Variants in ADRA1A observed in about 807,000 individuals in gnomAD.
ADRA1A encodes the protein adrenoceptor alpha 1A.
ADRA1A carries 31 observed loss-of-function variants against 29.6 expected under a neutral mutation model. That is an observed-to-expected ratio of 1.05 (90% confidence interval 0.79 to 1.41). The LOEUF (loss-of-function observed/expected upper bound fraction) is 1.41, where lower values mean the gene tolerates loss of function less well. Ranked by LOEUF, ADRA1A falls within the 40% of genes most tolerant of loss-of-function variation. The pLI is 0.00. For missense variants in ADRA1A, 619 were observed against 601.1 expected, an observed-to-expected ratio of 1.03 and a Z score of -0.31; for synonymous variants, 311 against 254.3, an observed-to-expected ratio of 1.22 and a Z score of -2.12.
chr8:26,772,200 T>G (rs1018715248), intron 2 of ADRA1A: 1 of 151,756 alleles, frequency 6.6e-6, no homozygotes, highest in Admixed American at 6.6e-5. Flanking sequence ...ATTAAAGAGA[T>G]TGTCACAAAC....
intron 2 of ADRA1A, among the ~76,000 whole-genome samples, chr8:26,795,041 C>T (rs1170735229): frequency 6.6e-6 from 1 of 151,896 alleles, no homozygotes; most frequent in Non-Finnish European, 1.5e-5. Flanking sequence ...TCTAAAAAAA[C>T]TAAGAAACAA....
chr8:26,842,744 A>G (rs1037861028), intron 2 of ADRA1A, among the ~76,000 whole-genome samples: 2 of 152,066 alleles, frequency 1.3e-5, no homozygotes, highest in African/African-American at 4.8e-5. Context: ...GTTTTCAAAA[A>G]GACACCCAGA....
intron 2 of ADRA1A, among the ~76,000 whole-genome samples, chr8:26,840,917 T>C (rs1811770603): frequency 6.6e-6 from 1 of 152,216 alleles, no homozygotes; most frequent in Admixed American, 6.5e-5. Context: ...AAACACAGCC[T>C]TATGTGGGCA....
intron 2 of ADRA1A, among the ~76,000 whole-genome samples, chr8:26,802,165 A>G (rs923691448): frequency 6.6e-6 from 1 of 152,184 alleles, no homozygotes; most frequent in African/African-American, 2.4e-5. Context: ...TTGGGCTGGC[A>G]TACATTTATT....
intron 2 of ADRA1A, among the ~76,000 whole-genome samples, chr8:26,832,258 C>T (rs748734486): frequency 1.9e-4 from 29 of 152,300 alleles, no homozygotes; most frequent in African/African-American, 5.8e-4. Context: ...CTGTCCCAGA[C>T]GCCTGAGAAA....
chr8:26,758,645 G>T (rs994091288), intron 2 of ADRA1A, among the ~76,000 whole-genome samples: 1 of 152,138 alleles, frequency 6.6e-6, no homozygotes, highest in African/African-American at 2.4e-5. Flanking sequence ...GCCCAGGCCC[G>T]TGGTTCCCAG....
intron 2 of ADRA1A, among the ~76,000 whole-genome samples, chr8:26,758,559 G>A (rs1383376019): frequency 1.3e-5 from 2 of 152,138 alleles, no homozygotes; most frequent in Non-Finnish European, 2.9e-5. Flanking sequence ...TCACAGGTGA[G>A]GAAAATGGCT....
At chr8:26,749,062 G>A (rs1192267058) in intron 2 of ADRA1A, among the ~76,000 whole-genome samples, 3 of 152,138 alleles carry the variant, frequency 2.0e-5, no homozygotes, top group African/African-American at 7.2e-5. Context: ...GACTCTGAAG[G>A]CAGTCTCAAA....
rs2130330444 is a variant in ADRA1A, at chr8:26,777,754, A to G, written c.884-7088T>C. Among the ~76,000 whole-genome samples the G allele has an allele frequency of 1.3e-5, 2 of 152,336 alleles. 1 individual carries two copies. Among genetic ancestry groups the G allele is most frequent in the East Asian group, 3.9e-4 (2 of 5,182 alleles). On this transcript the variant is annotated intron_variant, in intron 2 of 2. Coordinates refer to ENST00000380573, the MANE Select transcript of ADRA1A (RefSeq NM_000680.4). ...TTAGCTCTCCTCTTGCATGGGGCAA[A>G]GCATGGGAGCATGGCATGGGAGGGT... is the stretch of plus-strand genomic sequence containing the variant.
At chr8:26,844,462 A>G (rs925662991) in intron 2 of ADRA1A, among the ~76,000 whole-genome samples, 3 of 152,222 alleles carry the variant, frequency 2.0e-5, no homozygotes, top group Admixed American at 6.5e-5. Flanking sequence ...AGAACTTACT[A>G]CAAAGCTACA....
At chr8:26,751,213 C>G (rs1018477802) in intron 2 of ADRA1A, among the ~76,000 whole-genome samples, 7 of 152,176 alleles carry the variant, frequency 4.6e-5, no homozygotes, top group African/African-American at 1.4e-4. Context: ...TACTGCAGTG[C>G]TTTTACTTGT....
chr8:26,760,515 C>G (rs1244845160), intron 2 of ADRA1A, among the ~76,000 whole-genome samples: 2 of 152,156 alleles, frequency 1.3e-5, no homozygotes, highest in African/African-American at 4.8e-5. Context: ...CATGAGGCTC[C>G]TTGGCACCCA....
Position 26,848,979 on chromosome 8 carries a change from G to A in ADRA1A, c.883+15108C>T, listed in dbSNP as rs947207716. ...CACACTCTGATATCCCCATGAAAAGGAGCCTGCACACAGGCAGTGAATTCC... is the reference window on the plus strand; with the variant it reads ...CACACTCTGATATCCCCATGAAAAGAAGCCTGCACACAGGCAGTGAATTCC... On this transcript the variant is annotated intron_variant, in intron 2 of 2. Transcript: ENST00000380573. The surrounding 1 kb of genome is among the most constrained non-coding windows in gnomAD (Gnocchi z 4.3). Among the ~76,000 whole-genome samples the A allele has an allele frequency of 5.9e-5, 9 of 152,138 alleles. No homozygotes were observed. Among genetic ancestry groups the A allele is most frequent in the African/African-American group, 2.2e-4 (9 of 41,434 alleles).
At chr8:26,751,778 T>C (rs1268295772), downstream of ADRA1A, among the ~76,000 whole-genome samples, 2 of 152,236 alleles carry the variant, frequency 1.3e-5, no homozygotes, top group African/African-American at 2.4e-5. Context: ...ATGTTTATTA[T>C]GAACTACACA....
At position 26,841,785 on chromosome 8, in the gene ADRA1A, A is replaced by G. The variant is rs951117576; in HGVS notation, c.883+22302T>C. Among the ~76,000 whole-genome samples the G allele has an allele frequency of 5.3e-5, 8 of 152,168 alleles. No homozygotes were observed. The highest frequency in any genetic ancestry group is 1.9e-4 in the African/African-American group (8 of 41,428). On this transcript the variant is annotated intron_variant, in intron 2 of 2. Coordinates refer to ENST00000380573, the MANE Select transcript of ADRA1A (RefSeq NM_000680.4). This position sits in a 1 kb window ranked among gnomAD's most constrained non-coding sequence, Gnocchi z 4.4. ...TTTGATAGGTCACAAATGACCTCAG[A>G]TTACTAAACGCTATTTTTTTTCTCC... is the stretch of plus-strand genomic sequence containing the variant.
chr8:26,866,848 A>C lies in ADRA1A; in HGVS notation c.-687+88T>G. 1 of 985,436 alleles carries C rather than the reference A, an allele frequency of 1.0e-6. No individual in the cohort carries two copies. Among genetic ancestry groups the C allele is most frequent in the Non-Finnish European group, 1.2e-6 (1 of 829,972 alleles). 61.0% of individuals were successfully genotyped at this position (985,436 alleles called of 1,614,324 possible). On this transcript the variant is annotated intron_variant, in intron 1 of 2. Transcript: ENST00000380573. This position sits in a 1 kb window ranked among gnomAD's most constrained non-coding sequence, Gnocchi z 5.7. ...GGTGGAAAAAGCGGGAGGCGCTGGG[A>C]AAAGTGGGGGTTCCGTCTCACCAGA...
downstream of ADRA1A, among the ~76,000 whole-genome samples, chr8:26,766,557 G>C (rs891713441): frequency 6.6e-6 from 1 of 152,152 alleles, no homozygotes; most frequent in Non-Finnish European, 1.5e-5. Flanking sequence ...TAATTTGGAG[G>C]CAAATCTCAA....
intron 2 of ADRA1A, among the ~76,000 whole-genome samples, chr8:26,778,630 T>C (rs1360994537): frequency 2.0e-5 from 3 of 152,140 alleles, no homozygotes; most frequent in East Asian, 1.9e-4. Flanking sequence ...AAGGATGAGT[T>C]CATGTCCTTT....
chr8:26,768,773 G>T, downstream of ADRA1A: 1 of 447,688 alleles, frequency 2.2e-6, no homozygotes, highest in Non-Finnish European at 3.0e-6. Flanking sequence ...AAACACTTCT[G>T]GTTCCAGGCA....
Sources: gnomAD v4.1 joint callset for allele counts (sites outside exome capture counted in the v4.1 genomes callset) on GRCh38, gnomAD v4.1.1 for gene constraint, Gnocchi (gnomAD v3.1) non-coding constraint, MANE v1.5 for transcripts, NCBI Gene and HGNC (gene_info 2026-07-23, HGNC 2026-07-21) for gene names.